WWOX: variants seen among roughly 807,000 people sequenced by gnomAD.
WWOX encodes WW domain-containing oxidoreductase.
Under a neutral mutation model 46.2 loss-of-function variants are expected in WWOX, and 69 were observed. The ratio of observed to expected loss-of-function variants is 1.49; its 90% CI spans 1.23 to 1.82. The LOEUF (loss-of-function observed/expected upper bound fraction) is 1.82. Ranked by LOEUF, WWOX falls within the 40% of genes most tolerant of loss-of-function variation. The pLI is 0.00. For missense variants in WWOX, 919 were observed against 542.6 expected (o/e 1.69, Z -6.89); for synonymous variants, 359 against 202.6 (o/e 1.77, Z -6.56).
chr16:78,531,085 G>C (rs2043610174), intron 8 of WWOX, among the ~76,000 whole-genome samples: 2 of 152,130 alleles, frequency 1.3e-5, no homozygotes, highest in South Asian at 2.1e-4. Flanking sequence ...ATTTGGTTTG[G>C]TTCTTTGGAG....
At chr16:78,803,908 G>GGT (rs1010116337) in intron 8 of WWOX, among the ~76,000 whole-genome samples, 3 of 152,076 alleles carry the variant, frequency 2.0e-5, no homozygotes, top group African/African-American at 4.8e-5. Flanking sequence ...CAGACAAACA[G>GGT]GTGTGTGTGT....
intron 5 of WWOX, among the ~76,000 whole-genome samples, chr16:78,172,361 T>C (rs2035190756): frequency 6.6e-6 from 1 of 152,188 alleles, no homozygotes; most frequent in South Asian, 2.1e-4. Context: ...TTGACCTTTC[T>C]TGTCACAGGC....
chr16:78,337,390 C>G lies in WWOX; in HGVS notation c.517-49470C>G, dbSNP rs563827683. ...ATATAGTACATGCTGTCCTGTGTAC[C>G]CACTGATCCCTGGTCCTGCCCCTGG... is the stretch of plus-strand genomic sequence containing the variant. On this transcript the variant is annotated intron_variant, in intron 5 of 8. Transcript: ENST00000566780. Among the ~76,000 whole-genome samples the G allele has an allele frequency of 3.3e-5, 5 of 152,204 alleles. No individual in the cohort carries two copies. The East Asian group carries it at 9.7e-4, about 29-fold the overall frequency.
intron 8 of WWOX, among the ~76,000 whole-genome samples, chr16:79,207,224 C>G (rs970889959): frequency 1.3e-5 from 2 of 152,230 alleles, no homozygotes; most frequent in East Asian, 3.9e-4. Flanking sequence ...GGTGTATTCA[C>G]AGAGTCAATG....
At chr16:78,608,860 G>T (rs1359362206) in intron 8 of WWOX, among the ~76,000 whole-genome samples, 1 of 152,124 alleles carries the variant, frequency 6.6e-6, no homozygotes, top group Non-Finnish European at 1.5e-5. Context: ...GGGTCAGGTG[G>T]TCTTAAATTC....
chr16:78,975,090 A>G (rs2046545071), intron 8 of WWOX, among the ~76,000 whole-genome samples: 1 of 152,186 alleles, frequency 6.6e-6, no homozygotes, highest in Admixed American at 6.5e-5. Flanking sequence ...GTTACTCTGC[A>G]TTTTAACTCT....
intron 8 of WWOX, chr16:79,077,665 A>T (rs2048683970): frequency 6.7e-6 from 1 of 149,362 alleles, no homozygotes; most frequent in African/African-American, 2.5e-5. Context: ...TTCAAACCAC[A>T]GGATTTACAT....
chr16:78,658,255 A>G (rs546432363), intron 8 of WWOX, among the ~76,000 whole-genome samples: 1 of 152,350 alleles, frequency 6.6e-6, no homozygotes, highest in African/African-American at 2.4e-5. Flanking sequence ...TCCATGAGAA[A>G]GTATTTTTAA....
chr16:78,510,064 AGTCTGTCTGTCTGTCTGTCT>A (rs59985442), intron 8 of WWOX, among the ~76,000 whole-genome samples: 2 of 150,268 alleles, frequency 1.3e-5, no homozygotes, highest in African/African-American at 4.9e-5. Context: ...CCTGTCTCCA[AGTCTGTCTGTCTGTCTGTCT>A]GTCTGTCTGT....
intron 5 of WWOX, among the ~76,000 whole-genome samples, chr16:78,213,711 T>C (rs185689046): frequency 6.6e-6 from 1 of 152,208 alleles, no homozygotes; most frequent in Admixed American, 6.5e-5. Context: ...TTCACTTCTG[T>C]GCCATGACAA....
At chr16:78,468,601 G>C (rs1284668851) in intron 8 of WWOX, among the ~76,000 whole-genome samples, 2 of 152,106 alleles carry the variant, frequency 1.3e-5, no homozygotes, top group African/African-American at 2.4e-5. Flanking sequence ...AGTGGAAAAA[G>C]CACATGACTT....
chr16:78,899,642 A>G (rs1239565136), intron 8 of WWOX: 2 of 152,216 alleles, frequency 1.3e-5, no homozygotes, highest in Non-Finnish European at 2.9e-5. Flanking sequence ...AGATATGATG[A>G]CTAGTTGGTG....
chr16:78,226,551 C>T (rs1463043969), intron 5 of WWOX, among the ~76,000 whole-genome samples: 1 of 127,504 alleles, frequency 7.8e-6, no homozygotes, highest in Non-Finnish European at 1.6e-5. Flanking sequence ...CTCTCCTTTT[C>T]TTTTCTTTTC....
At chr16:78,356,420 G>A (rs2081291923) in intron 5 of WWOX, among the ~76,000 whole-genome samples, 1 of 152,058 alleles carries the variant, frequency 6.6e-6, no homozygotes, top group South Asian at 2.1e-4. Context: ...GTGGATTTGT[G>A]GACCCGTGGG....
intron 8 of WWOX, among the ~76,000 whole-genome samples, chr16:78,630,739 T>C (rs1257970658): frequency 1.3e-5 from 2 of 152,188 alleles, no homozygotes; most frequent in Non-Finnish European, 2.9e-5. Context: ...TTATGAGTCT[T>C]CCTTGCAAAC....
chr16:78,292,627 T>TA (rs79365187), intron 5 of WWOX, among the ~76,000 whole-genome samples: 32 of 151,318 alleles, frequency 2.1e-4, no homozygotes, highest in South Asian at 1.3e-3. Flanking sequence ...CTTTTTTTTT[T>TA]AAAAAAAAGG....
chr16:78,269,540 C>T (rs2079434296), intron 5 of WWOX, among the ~76,000 whole-genome samples: 1 of 152,150 alleles, frequency 6.6e-6, no homozygotes, highest in Admixed American at 6.5e-5. Flanking sequence ...ACCGATTTAA[C>T]AAACTGGTGA....
intron 8 of WWOX, among the ~76,000 whole-genome samples, chr16:78,542,191 C>G (rs1474736048): frequency 6.6e-6 from 1 of 151,968 alleles, no homozygotes; most frequent in African/African-American, 2.4e-5. Context: ...AATTGTTCAT[C>G]AGGTGTATCT....
At chr16:79,170,492 C>T (rs1175263368) in intron 8 of WWOX, among the ~76,000 whole-genome samples, 1 of 152,260 alleles carries the variant, frequency 6.6e-6, no homozygotes, top group East Asian at 1.9e-4. Flanking sequence ...GTACCACTCT[C>T]ATAAATCAAT....
Sources: allele counts gnomAD v4.1 joint callset (sites outside exome capture counted in the v4.1 genomes callset), GRCh38; gene constraint gnomAD v4.1.1; transcripts MANE v1.5; gene names NCBI Gene and HGNC (gene_info 2026-07-23, HGNC 2026-07-21).